The following PRH1 variants were observed in gnomAD, a reference collection of about 807,000 sequenced individuals.
The protein encoded by PRH1 is proline rich protein HaeIII subfamily 1.
A neutral mutation model predicts 7.9 loss-of-function variants in PRH1; 7 were observed. The observed-to-expected ratio is 0.89, with a 90% CI of 0.50 to 1.67. The LOEUF (loss-of-function observed/expected upper bound fraction) is 1.67, where lower values mean the gene tolerates loss of function less well. Among genes scored for constraint, PRH1 ranks in the 40% most tolerant of loss-of-function variants. PRH1 has a pLI of 0.00. For synonymous variants in PRH1, 45 were observed against 80.8 expected, an observed-to-expected ratio of 0.56 and a Z score of 2.38; for missense variants, 109 against 223.6, an observed-to-expected ratio of 0.49 and a Z score of 3.27.
intron 1 of PRH1, among the ~76,000 whole-genome samples, chr12:11,164,544 C>G (rs1369704856): frequency 1.3e-5 from 2 of 152,160 alleles, no homozygotes; most frequent in African/African-American, 4.8e-5. Context: ...ATAGAGGATG[C>G]AAGTAGCTGA....
chr12:10,893,945 T>G (rs1949610782), intron 2 of PRH1, among the ~76,000 whole-genome samples: 1 of 152,194 alleles, frequency 6.6e-6, no homozygotes, highest in Admixed American at 6.5e-5. Context: ...ACATGCTTTC[T>G]CATTACATTT....
intron 2 of PRH1, among the ~76,000 whole-genome samples, chr12:10,962,760 T>G (rs1838458545): frequency 6.6e-6 from 1 of 152,180 alleles, no homozygotes; most frequent in Non-Finnish European, 1.5e-5. Flanking sequence ...GTCTGCAGGA[T>G]CTCTGTTTTT....
At chr12:10,927,387 C>T (rs10845248) in intron 2 of PRH1, among the ~76,000 whole-genome samples, 77,389 of 152,040 alleles carry the variant, frequency 0.51, 21,476 homozygotes, top group East Asian at 0.72. Context: ...AGAAAATAAT[C>T]CCAGTAACCC....
In PRH1 at chr12:11,030,480, G is replaced by C. The variant is rs1235860455; in HGVS notation, c.-126+16540C>G. ...AAAACTGAAAGAAAAGTCTGCTTTA[G>C]CTTCTTGTTTCCCCAAATCAGGATG... On this transcript the variant is annotated intron_variant, in intron 1 of 3. Transcript: ENST00000539853. The C allele has an allele frequency of 1.4e-5, 22 of 1,614,278 alleles. No individual in the cohort carries two copies. The highest frequency in any genetic ancestry group is 1.9e-5 in the Non-Finnish European group (22 of 1,180,044).
chr12:11,114,211 T>C (rs541584244), intron 1 of PRH1, among the ~76,000 whole-genome samples: 45 of 152,180 alleles, frequency 3.0e-4, no homozygotes, highest in Non-Finnish European at 6.0e-4. Flanking sequence ...CACATGTATG[T>C]TTATTGCAGC....
intron 2 of PRH1, among the ~76,000 whole-genome samples, chr12:10,904,799 A>T (rs1225395567): frequency 1.5e-4 from 23 of 152,148 alleles, no homozygotes; most frequent in Admixed American, 1.5e-3. Flanking sequence ...TAATATCCCA[A>T]ATCTATAAGG....
rs199802803 is a variant in PRH1, at chr12:11,133,503, A to G, written n.40-12323T>C. 2.2e-4 allele frequency: 356 copies of G among 1,614,052 alleles called. No homozygotes were observed. Among genetic ancestry groups the G allele is most frequent in the Non-Finnish European group, 2.9e-4 (343 of 1,180,008 alleles). ...TCCAGCCTCCCAAAATTACAAACTG[A>G]TATGATCATGGACAGAAAGTAAATG... On this transcript the variant is annotated intron_variant and non_coding_transcript_variant, in intron 1 of 1. Coordinates refer to the PRH1 transcript ENST00000541175.
Position 11,070,365 on chromosome 12 carries a change from T to A in PRH1, n.124-23177A>T, listed in dbSNP as rs186351016. On this transcript the variant is annotated intron_variant and non_coding_transcript_variant, in intron 1 of 4. Transcript: ENST00000541977. ...ACACTGCGCATGCTCACCTCCAAAG[T>A]GTTAGCAGGCTACCACACATGTGAG... Among the ~76,000 whole-genome samples, 96 of 150,722 alleles carry A rather than the reference T, an allele frequency of 6.4e-4. 1 individual carries two copies. In the East Asian group the frequency reaches 0.016, roughly 26 times the overall value.
intron 1 of PRH1, among the ~76,000 whole-genome samples, chr12:10,980,806 G>A (rs1939316289): frequency 1.3e-5 from 2 of 152,260 alleles, no homozygotes; most frequent in South Asian, 2.1e-4. Context: ...GGAGAGGGCA[G>A]CATCCTGGAA....
chr12:10,973,588 T>C lies in PRH1; in HGVS notation c.-59+67A>G, dbSNP rs1591751644. 6.7e-6 allele frequency: 5 copies of C among 743,734 alleles called. No homozygotes were observed. The East Asian group carries it at 9.8e-5, about 15-fold the overall frequency. 46.1% of individuals were successfully genotyped at this position (743,734 alleles called of 1,614,324 possible). ...ACTGCTTGCAATTTCACCTGTCTGA[T>C]ACAGGCAGAAACCAAGTGTTGCTAG... On this transcript the variant is annotated intron_variant, in intron 2 of 3. Transcript: ENST00000539853.
chr12:10,967,815 G>A (rs1489707290), intron 2 of PRH1, among the ~76,000 whole-genome samples: 1 of 152,178 alleles, frequency 6.6e-6, no homozygotes, highest in Non-Finnish European at 1.5e-5. Context: ...TGCTTATAAT[G>A]TAGAAATGGG....
chr12:10,960,104 T>C (rs185918764), intron 2 of PRH1, among the ~76,000 whole-genome samples: 101 of 152,298 alleles, frequency 6.6e-4, no homozygotes, highest in African/African-American at 2.3e-3. Context: ...AACAGCCTCA[T>C]TGGATTGGGC....
At chr12:10,937,840 T>G (rs1950314841) in intron 2 of PRH1, 1 of 154,410 alleles carries the variant, frequency 6.5e-6, no homozygotes, top group African/African-American at 2.4e-5. Context: ...ATACAAAAAT[T>G]AAAAACACTT....
chr12:11,168,273 AAAG>A (rs1565725521), intron 1 of PRH1, among the ~76,000 whole-genome samples: 618 of 48,292 alleles, frequency 0.013, 133 homozygotes, highest in Non-Finnish European at 0.021. Context: ...AGAAAGAAAG[AAAG>A]AAAGAAAGAA....
At chr12:10,994,756 C>A (rs1940130613) in intron 1 of PRH1, among the ~76,000 whole-genome samples, 1 of 151,880 alleles carries the variant, frequency 6.6e-6, no homozygotes. Context: ...ATTAAAAATA[C>A]TAAATAAAGA....
intron 2 of PRH1, chr12:10,929,092 G>A (rs1486221287): frequency 8.9e-6 from 6 of 676,224 alleles, no homozygotes; most frequent in Non-Finnish European, 1.0e-5. Flanking sequence ...CTAGGCTAGA[G>A]TCCCAGAAGA....
chr12:10,939,283 A>G lies in PRH1; in HGVS notation c.-59+34372T>C, dbSNP rs1164940793. 1.2e-5 allele frequency: 10 copies of G among 810,374 alleles called. No individual in the cohort carries two copies. The East Asian group carries it at 1.6e-4, about 13-fold the overall frequency. The allele number at this position is 810,374 out of a possible 1,614,324, so 50.2% of individuals were successfully genotyped here. The stretch of plus-strand genomic sequence containing the variant: ...AATGCATTCATCTAAAATGCTATGT[A>G]TATCTGATTCTTGAAAATTCAATAA... On this transcript the variant is annotated intron_variant, in intron 2 of 3. Coordinates refer to the PRH1 transcript ENST00000539853.
At chr12:11,090,508 C>T (rs1944843372) in intron 1 of PRH1, among the ~76,000 whole-genome samples, 1 of 116,664 alleles carries the variant, frequency 8.6e-6, no homozygotes, top group Admixed American at 8.6e-5. Context: ...ACGTTTCTAA[C>T]TGCATATGCA....
intron 1 of PRH1, among the ~76,000 whole-genome samples, chr12:11,144,083 T>C (rs963000825): frequency 3.3e-5 from 5 of 152,192 alleles, no homozygotes; most frequent in Non-Finnish European, 5.9e-5. Flanking sequence ...CAGGAGGTGG[T>C]GCTTTCCAGA....
Sources: gnomAD v4.1 joint callset for allele counts (sites outside exome capture counted in the v4.1 genomes callset) on GRCh38, gnomAD v4.1.1 for gene constraint, MANE v1.5 for transcripts, NCBI Gene and HGNC (gene_info 2026-07-23, HGNC 2026-07-21) for gene names.